ARAP1: variants seen among roughly 807,000 people sequenced by gnomAD.
The protein encoded by ARAP1 is ArfGAP with RhoGAP domain, ankyrin repeat and PH domain 1, also known as arf-GAP with Rho-GAP domain, ANK repeat and PH domain-containing protein 1.
In ARAP1, 76 loss-of-function variants were observed where a neutral mutation model predicts 172.2. The observed-to-expected ratio is 0.44, with a 90% CI of 0.37 to 0.53. The LOEUF is 0.53. Among genes scored for constraint, ARAP1 ranks in the 20% least tolerant of loss-of-function variants. The pLI is 0.00. For missense variants in ARAP1, 1,686 were observed against 1,977.5 expected (o/e 0.85, Z 2.80); for synonymous variants, 804 against 803.3 (o/e 1.00, Z -0.01).
rs1366921813 is a variant in ARAP1, at chr11:72,710,852, G to A, written c.1213+169C>T. ...CAGTGACCGTGCCAAGCACAGAGCC[G>A]GTCACAGAGGGTGCCCCCTTCCTCT... On this transcript the variant is annotated intron_variant, in intron 9 of 34. Transcript: ENST00000393609. The surrounding 1 kb of genome is among the most constrained non-coding windows in gnomAD (Gnocchi z 4.3). Among the ~76,000 whole-genome samples the A allele has an allele frequency of 3.3e-5, 5 of 152,164 alleles. No homozygotes were observed. Among genetic ancestry groups the A allele is most frequent in the South Asian group, 4.1e-4 (2 of 4,834 alleles).
At chr11:72,733,573 C>A (rs575363921) in intron 1 of ARAP1, among the ~76,000 whole-genome samples, 2 of 152,102 alleles carry the variant, frequency 1.3e-5, no homozygotes, top group African/African-American at 4.8e-5. Flanking sequence ...TGCAGACAGC[C>A]GGAGCTCTGT....
Position 72,725,505 on chromosome 11 carries a change from T to A in ARAP1, c.509+1115A>T, listed in dbSNP as rs1163649218. On this transcript the variant is annotated intron_variant, in intron 3 of 34. Coordinates refer to ENST00000393609, the MANE Select transcript of ARAP1 (RefSeq NM_001040118.3). This position sits in a 1 kb window ranked among gnomAD's most constrained non-coding sequence, Gnocchi z 4.3. The stretch of plus-strand genomic sequence containing the variant: ...GTGAACCCAGGAAGAGCATGTACCC[T>A]TTTTGTGCTTCTACCAATCAACCCT... Among the ~76,000 whole-genome samples, 1 of 152,078 alleles carries A rather than the reference T, an allele frequency of 6.6e-6. No individual in the cohort carries two copies. The highest frequency in any genetic ancestry group is 1.5e-5 in the Non-Finnish European group (1 of 67,992).
intron 2 of ARAP1, among the ~76,000 whole-genome samples, chr11:72,731,843 C>CT (rs1187476175): frequency 6.6e-6 from 1 of 152,186 alleles, no homozygotes; most frequent in Non-Finnish European, 1.5e-5. Context: ...TAAGCTAAAA[C>CT]TTTAACACCA....
chr11:72,750,946 T>C (rs1342318778), intron 1 of ARAP1, among the ~76,000 whole-genome samples: 1 of 152,088 alleles, frequency 6.6e-6, no homozygotes, highest in Non-Finnish European at 1.5e-5. Flanking sequence ...TCTAGAGGGT[T>C]GGGAGGAGGA....
chr11:72,710,081 G>T lies in ARAP1; in HGVS notation c.1417-105C>A. ...GTGGTGCAACTCAGGGACTGGGGGG[G>T]GTGCCCAGGAGGGAGACAGCAGGGG... is the stretch of plus-strand genomic sequence containing the variant. On this transcript the variant is annotated intron_variant, in intron 10 of 34. Coordinates refer to ENST00000393609, the MANE Select transcript of ARAP1 (RefSeq NM_001040118.3). The surrounding 1 kb of genome is among the most constrained non-coding windows in gnomAD (Gnocchi z 4.3). 1 of 1,074,404 alleles carries T rather than the reference G, an allele frequency of 9.3e-7. No homozygotes were observed. The allele number at this position is 1,074,404 out of a possible 1,614,324, so 66.6% of individuals were successfully genotyped here. A position where few individuals can be genotyped will look rare whatever the true frequency, so the allele number is the denominator to read the frequency against.
intron 1 of ARAP1, among the ~76,000 whole-genome samples, chr11:72,743,006 C>T (rs1210611122): frequency 6.6e-6 from 1 of 152,194 alleles, no homozygotes; most frequent in Non-Finnish European, 1.5e-5. Context: ...CCCATTCGGG[C>T]ACCTCCTCAA....
In ARAP1 at chr11:72,697,904, C is replaced by A. The variant is rs1422034422; in HGVS notation, c.2737+7G>T. 6.3e-7 allele frequency: 1 copy of A among 1,585,956 alleles called. No homozygotes were observed. Among genetic ancestry groups the A allele is most frequent in the Non-Finnish European group, 8.6e-7 (1 of 1,163,982 alleles). On this transcript the variant is annotated splice_region_variant and intron_variant, in intron 19 of 34. Coordinates refer to ENST00000393609, the MANE Select transcript of ARAP1 (RefSeq NM_001040118.3). The stretch of plus-strand genomic sequence containing the variant: ...GGAGGCTGGGGGCCCAGGTCTGGTC[C>A]ACGCACAAAGCTCCTGCAGTTTCCG...
rs1251824462 is a variant in ARAP1, at chr11:72,726,519, G to A, written c.509+101C>T. The A allele has an allele frequency of 5.7e-6, 8 of 1,394,880 alleles. No individual in the cohort carries two copies. The highest frequency in any genetic ancestry group is 2.8e-5 in the Admixed American group (1 of 35,206). 86.4% of individuals were successfully genotyped at this position (1,394,880 alleles called of 1,614,324 possible). A position where few individuals can be genotyped will look rare whatever the true frequency, so the allele number is the denominator to read the frequency against. On this transcript the variant is annotated intron_variant, in intron 3 of 34. Coordinates refer to ENST00000393609, the MANE Select transcript of ARAP1 (RefSeq NM_001040118.3). This position sits in a 1 kb window ranked among gnomAD's most constrained non-coding sequence, Gnocchi z 6.5. The stretch of plus-strand genomic sequence containing the variant: ...CACACGCTGTTCCCCCTGCACTTCC[G>A]AAGTGCCTTTCTTACCCCAGCACCA...
At position 72,710,281 on chromosome 11, in the gene ARAP1, T is replaced by C; in HGVS notation, c.1416+104A>G. The C allele has an allele frequency of 7.1e-7, 1 of 1,402,494 alleles. No individual in the cohort carries two copies. The highest frequency in any genetic ancestry group is 1.3e-5 in the South Asian group (1 of 79,370). The allele number at this position is 1,402,494 out of a possible 1,614,324, so 86.9% of individuals were successfully genotyped here. On this transcript the variant is annotated intron_variant, in intron 10 of 34. Transcript: ENST00000393609. The surrounding 1 kb of genome is among the most constrained non-coding windows in gnomAD (Gnocchi z 4.3). Reference sequence around the variant, plus strand: ...TATCCAGGCAAAGGGCTGGGCCCAGTGCAGGAAAAGAGGGAACAGAAAAGG... The same window carrying C: ...TATCCAGGCAAAGGGCTGGGCCCAGCGCAGGAAAAGAGGGAACAGAAAAGG...
At chr11:72,720,041 A>G (rs1413237940) in intron 3 of ARAP1, among the ~76,000 whole-genome samples, 3 of 152,078 alleles carry the variant, frequency 2.0e-5, no homozygotes, top group Non-Finnish European at 4.4e-5. Flanking sequence ...TGCTTCACTG[A>G]ACTGCCTCAG....
chr11:72,701,620 G>A, intron 16 of ARAP1, 29 bp downstream of exon 16: 1 of 1,604,258 alleles, frequency 6.2e-7, no homozygotes, highest in Non-Finnish European at 8.5e-7. Context: ...GATGCCATGG[G>A]CTAAAGCAGA....
At chr11:72,707,766 T>G (rs771074960) in intron 11 of ARAP1, among the ~76,000 whole-genome samples, 1 of 152,066 alleles carries the variant, frequency 6.6e-6, no homozygotes, top group Non-Finnish European at 1.5e-5. Context: ...AAGGGCAGAC[T>G]GGCAGAGAAA....
intron 1 of ARAP1, among the ~76,000 whole-genome samples, chr11:72,748,533 A>G (rs916929945): frequency 2.2e-4 from 34 of 151,740 alleles, no homozygotes; most frequent in Non-Finnish European, 4.9e-4. Flanking sequence ...AAAAAAAAAA[A>G]TGATTTGTTA....
intron 14 of ARAP1, chr11:72,703,408 C>CGGGGGGGGGGGGGG (rs56850317): frequency 8.8e-6 from 1 of 113,702 alleles, no homozygotes. Context: ...GTGGAGGAGC[C>CGGGGGGGGGGGGGG]GGGGGGGGGG....
intron 4 of ARAP1, 90 bp from the exon 5 acceptor site, chr11:72,713,333 T>C (rs1448797773): frequency 8.1e-7 from 1 of 1,237,932 alleles, no homozygotes; most frequent in African/African-American, 1.5e-5. Context: ...GCCTCCCCCA[T>C]GCCAAGACCC....
chr11:72,700,352 C>G (rs913395022), intron 16 of ARAP1: 2 of 152,446 alleles, frequency 1.3e-5, no homozygotes, highest in African/African-American at 2.4e-5. Context: ...AGGGCTTTGT[C>G]CCCGTAGGAA....
In ARAP1 at chr11:72,710,595, A is replaced by C. The variant is rs369599585; in HGVS notation, c.1214-8T>G. Reference sequence around the variant, plus strand: ...TCCACTCCTTCCGCTCCACTGCAGGAGAAGGGTAGAGGAGTAAGCCCAAGG... The same window carrying C: ...TCCACTCCTTCCGCTCCACTGCAGGCGAAGGGTAGAGGAGTAAGCCCAAGG... On this transcript the variant is annotated splice_region_variant and splice_polypyrimidine_tract_variant and intron_variant, in intron 9 of 34. Coordinates refer to ENST00000393609, the MANE Select transcript of ARAP1 (RefSeq NM_001040118.3). This position sits in a 1 kb window ranked among gnomAD's most constrained non-coding sequence, Gnocchi z 4.3. The C allele has an allele frequency of 6.9e-6, 11 of 1,600,786 alleles. No individual in the cohort carries two copies. In the African/African-American group the frequency reaches 1.3e-4, roughly 19 times the overall value.
In ARAP1 at chr11:72,696,633, T is replaced by C. The variant is rs1856206760; in HGVS notation, c.3188A>G (p.Lys1063Arg). ...EASEIEDEEEKVSRYRELLVR... is the reference protein window; with the variant it reads ...EASEIEDEEERVSRYRELLVR... ...CAGCAGCTCTCGGTACCTGGAGACC[T>C]TCTCCTCCTCGTCCTCAATCTCTGG... Residue 1063 changes from lysine (K) to arginine (R), a missense_variant, in exon 23 of 35, where the codon AAG becomes AGG. By Grantham distance (26) the Lys-to-Arg change is conservative (BLOSUM62 2). Transcript: ENST00000393609. 2 of 1,602,498 alleles carry C rather than the reference T, an allele frequency of 1.2e-6. No homozygotes were observed. Among genetic ancestry groups the C allele is most frequent in the Admixed American group, 3.4e-5 (2 of 58,340 alleles).
At chr11:72,738,542 C>A (rs1858104345) in intron 1 of ARAP1, among the ~76,000 whole-genome samples, 1 of 152,054 alleles carries the variant, frequency 6.6e-6, no homozygotes, top group Admixed American at 6.5e-5. Flanking sequence ...GGCTAGGGGT[C>A]CTAACTGAGG....
Sources: gnomAD v4.1 joint callset for allele counts (sites outside exome capture counted in the v4.1 genomes callset) on GRCh38, gnomAD v4.1.1 for gene constraint, Gnocchi (gnomAD v3.1) non-coding constraint, MANE v1.5 for transcripts, NCBI Gene and HGNC (gene_info 2026-07-23, HGNC 2026-07-21) for gene names.